Variants in NEURL4 observed in about 807,000 individuals in gnomAD.
The protein encoded by NEURL4 is neuralized E3 ubiquitin protein ligase 4.
Under a neutral mutation model 148.0 loss-of-function variants are expected in NEURL4, and 45 were observed. The observed-to-expected ratio is 0.30, with a 90% CI of 0.24 to 0.39. The LOEUF (loss-of-function observed/expected upper bound fraction) is 0.39, where lower values mean the gene tolerates loss of function less well. Ranked by LOEUF, NEURL4 falls within the 10% of genes least tolerant of loss-of-function variation. The pLI, the probability that NEURL4 is intolerant of heterozygous loss-of-function variation, is 1.00. For synonymous variants in NEURL4, 854 were observed against 869.0 expected (o/e 0.98, Z 0.30); for missense variants, 1,776 against 2,144.0 (o/e 0.83, Z 3.39).
Position 7,323,138 on chromosome 17 carries a change from G to T in NEURL4, c.2418-15C>A. 6.2e-7 allele frequency: 1 copy of T among 1,605,268 alleles called. No homozygotes were observed. The highest frequency in any genetic ancestry group is 8.5e-7 in the Non-Finnish European group (1 of 1,173,496). On this transcript the variant is annotated splice_polypyrimidine_tract_variant and intron_variant, in intron 14 of 28. Coordinates refer to ENST00000399464, the MANE Select transcript of NEURL4 (RefSeq NM_032442.3). ...TGGCTGTACCACTGGGGGGATGGCA[G>T]AAGGGGTGAGTCAGCCTGCCAACTT...
rs776579830 is a variant in NEURL4 at position 7,324,434 on chromosome 17, G to A, written c.1860C>T (p.Thr620=). 1 of 1,614,184 alleles carries A rather than the reference G, an allele frequency of 6.2e-7. No homozygotes were observed. The highest frequency in any genetic ancestry group is 8.5e-7 in the Non-Finnish European group (1 of 1,180,028). Residue 620 remains threonine (T), a synonymous_variant, in exon 10 of 29, where the codon ACC becomes ACT. Coordinates refer to ENST00000399464, the MANE Select transcript of NEURL4 (RefSeq NM_032442.3). This position sits in a 1 kb window ranked among gnomAD's most constrained non-coding sequence, Gnocchi z 5.9. ...TGNGVMHNGT[T]ILDEYGHNLD... is the part of the protein sequence containing the mutation. ...GATTGTGCCCGTATTCATCCAGGATGGTCGTCCCATTGTGCATCACCCCAT... is the reference window on the plus strand; with the variant it reads ...GATTGTGCCCGTATTCATCCAGGATAGTCGTCCCATTGTGCATCACCCCAT...
In NEURL4 at chr17:7,322,621, C is replaced by G; in HGVS notation, c.2725+114G>C. 1 of 1,374,820 alleles carries G rather than the reference C, an allele frequency of 7.3e-7. No individual in the cohort carries two copies. The highest frequency in any genetic ancestry group is 1.3e-5 in the South Asian group (1 of 78,224). The allele number at this position is 1,374,820 out of a possible 1,614,324, so 85.2% of individuals were successfully genotyped here. A position where few individuals can be genotyped will look rare whatever the true frequency, so the allele number is the denominator to read the frequency against. Reference sequence around the variant, plus strand: ...ACCGTGGGCTGTCCCTTCCCTGGAGCCGGCAGCTACCCCAGCCAACCGTCT... The same window carrying G: ...ACCGTGGGCTGTCCCTTCCCTGGAGGCGGCAGCTACCCCAGCCAACCGTCT... On this transcript the variant is annotated intron_variant, in intron 16 of 28. Coordinates refer to ENST00000399464, the MANE Select transcript of NEURL4 (RefSeq NM_032442.3). The surrounding 1 kb of genome is among the most constrained non-coding windows in gnomAD (Gnocchi z 5.5).
rs762882591 is a variant in NEURL4, at chr17:7,323,088, C to G, written c.2453G>C (p.Arg818Pro). 6.2e-7 allele frequency: 1 copy of G among 1,613,672 alleles called. No individual in the cohort carries two copies. Among genetic ancestry groups the G allele is most frequent in the Admixed American group, 1.7e-5 (1 of 60,008 alleles). ...TAIMQDGNTMRNNYGCDLDAL... is the reference protein window; with the variant it reads ...TAIMQDGNTMPNNYGCDLDAL... ...ATCCAGGTCACACCCATAATTGTTG[C>G]GCATCGTGTTACCGTCTTGCATGAT... Residue 818 changes from arginine (R) to proline (P), a missense_variant, in exon 15 of 29, where the codon CGC becomes CCC. By Grantham distance (103) the Arg-to-Pro change is moderately radical. Coordinates refer to ENST00000399464, the MANE Select transcript of NEURL4 (RefSeq NM_032442.3).
chr17:7,316,515 C>T (rs999870340), intron 28 of NEURL4, among the ~76,000 whole-genome samples, 188 bp from the exon 29 acceptor site: 1 of 152,234 alleles, frequency 6.6e-6, no homozygotes, highest in Non-Finnish European at 1.5e-5. Context: ...CCTTCACTTC[C>T]TTCTTCAAGC....
At position 7,318,368 on chromosome 17, in the gene NEURL4, AG is replaced by A. The variant is rs1291364200; in HGVS notation, c.3865-13del. 6.2e-7 allele frequency: 1 copy of A among 1,613,752 alleles called. No homozygotes were observed. Among genetic ancestry groups the A allele is most frequent in the South Asian group, 1.1e-5 (1 of 91,074 alleles). The stretch of plus-strand genomic sequence containing the variant: ...TTCACGATTGTCACCTGCAGGGGAG[AG>A]GGTAGTCAGACAGAGCTTGGTCAGA... On this transcript the variant is annotated splice_polypyrimidine_tract_variant and intron_variant, in intron 23 of 28. Coordinates refer to ENST00000399464, the MANE Select transcript of NEURL4 (RefSeq NM_032442.3). This position sits in a 1 kb window ranked among gnomAD's most constrained non-coding sequence, Gnocchi z 4.3.
chr17:7,315,849 A>G lies in NEURL4; in HGVS notation c.*274T>C, dbSNP rs2072934364. The G allele has an allele frequency of 9.1e-6, 5 of 549,532 alleles. No homozygotes were observed. Among genetic ancestry groups the G allele is most frequent in the Non-Finnish European group, 1.6e-5 (5 of 310,526 alleles). 34.0% of individuals were successfully genotyped at this position (549,532 alleles called of 1,614,324 possible). On this transcript the variant is annotated 3_prime_UTR_variant, in exon 29 of 29. Coordinates refer to ENST00000399464, the MANE Select transcript of NEURL4 (RefSeq NM_032442.3). ...GATGTGGGGTAGGGGAGTAAAAGGG[A>G]GTCATGTTCCCCAAATCAGTGCATG...
chr17:7,323,824 T>C lies in NEURL4; in HGVS notation c.2251A>G (p.Ile751Val). The C allele has an allele frequency of 1.2e-6, 2 of 1,614,112 alleles. No individual in the cohort carries two copies. The highest frequency in any genetic ancestry group is 1.7e-6 in the Non-Finnish European group (2 of 1,180,034). Residue 751 changes from isoleucine (I) to valine (V), a missense_variant, in exon 12 of 29, where the codon ATC (isoleucine) becomes GTC (valine). By Grantham distance (29) the Ile-to-Val change is conservative. Transcript: ENST00000399464. ...AGTTGAGAGACTGACCGGTTGGAGATGACGATGGCGTCATTAAACTCGCTG... is the reference window on the plus strand; with the variant it reads ...AGTTGAGAGACTGACCGGTTGGAGACGACGATGGCGTCATTAAACTCGCTG... ...CRSEFNDAIV[I>V]SNRALRDGEL...
rs771002223 is a variant in NEURL4, at chr17:7,321,136, G to T, written c.3336C>A (p.Asp1112Glu). Residue 1112 changes from aspartate to glutamate, a missense_variant, in exon 20 of 29, where the codon GAC (aspartate) becomes GAA (glutamate). Asp to Glu is a conservative substitution (Grantham distance 45, BLOSUM62 2). Transcript: ENST00000399464. The surrounding 1 kb of genome is among the most constrained non-coding windows in gnomAD (Gnocchi z 6.3). Reference protein sequence around the residue: ...SDTGSEGEEDDEGEEHGLGGQ... With the variant: ...SDTGSEGEEDEEGEEHGLGGQ... ...CTCCCAGGCCATGCTCCTCGCCCTC[G>T]TCATCCTCCTCGCCCTCACTGCCGG... The T allele has an allele frequency of 6.2e-7, 1 of 1,613,576 alleles. No individual in the cohort carries two copies. Among genetic ancestry groups the T allele is most frequent in the African/African-American group, 1.3e-5 (1 of 74,856 alleles).
rs2073025459 is a variant in NEURL4, at chr17:7,321,036, C to T, written c.3360+76G>A. On this transcript the variant is annotated intron_variant, in intron 20 of 28. Coordinates refer to ENST00000399464, the MANE Select transcript of NEURL4 (RefSeq NM_032442.3). The surrounding 1 kb of genome is among the most constrained non-coding windows in gnomAD (Gnocchi z 6.3). Reference sequence around the variant, plus strand: ...AGCCTCCACCCAACGATCAGAGAACCCAGAAAAGGCCTGGCATCCAACGGC... The same window carrying T: ...AGCCTCCACCCAACGATCAGAGAACTCAGAAAAGGCCTGGCATCCAACGGC... 1 of 1,592,904 alleles carries T rather than the reference C, an allele frequency of 6.3e-7. No individual in the cohort carries two copies. The highest frequency in any genetic ancestry group is 2.2e-5 in the East Asian group (1 of 44,594).
chr17:7,315,943 G>A lies in NEURL4; in HGVS notation c.*180C>T. 1.7e-6 allele frequency: 1 copy of A among 603,192 alleles called. No individual in the cohort carries two copies. Among genetic ancestry groups the A allele is most frequent in the South Asian group, 2.0e-5 (1 of 51,262 alleles). 37.4% of individuals were successfully genotyped at this position (603,192 alleles called of 1,614,324 possible). A position where few individuals can be genotyped will look rare whatever the true frequency, so the allele number is the denominator to read the frequency against. On this transcript the variant is annotated 3_prime_UTR_variant, in exon 29 of 29. Transcript: ENST00000399464. Reference sequence around the variant, plus strand: ...CCATCAGACGGAGTGCTGGGCCTCCGGACATGGAGCTGTGCCACTTGCCAC... The same window carrying A: ...CCATCAGACGGAGTGCTGGGCCTCCAGACATGGAGCTGTGCCACTTGCCAC...
At position 7,317,297 on chromosome 17, in the gene NEURL4, G is replaced by A. The variant is rs1219916721; in HGVS notation, c.4392C>T (p.Asn1464=). The A allele has an allele frequency of 3.1e-5, 48 of 1,533,788 alleles. No individual in the cohort carries two copies. Among genetic ancestry groups the A allele is most frequent in the Non-Finnish European group, 4.2e-5 (48 of 1,140,398 alleles). The part of the protein sequence containing the change: ...PGVGFEEPGE[N]CAPPREEQPP... ...GCTGCTCCTCCCGAGGAGGTGCACAGTTCTCGCCAGGCTCCTCGAACCCTA... is the reference window on the plus strand; with the variant it reads ...GCTGCTCCTCCCGAGGAGGTGCACAATTCTCGCCAGGCTCCTCGAACCCTA... Residue 1464 remains asparagine (N), a synonymous_variant, in exon 28 of 29, where the codon AAC becomes AAT. Coordinates refer to ENST00000399464, the MANE Select transcript of NEURL4 (RefSeq NM_032442.3).
At chr17:7,325,162 C>CCCCCCCAA in intron 8 of NEURL4, 47 bp downstream of exon 8, 1 of 748,832 alleles carries the variant, frequency 1.3e-6, no homozygotes. Context: ...CCCCCCCCCC[C>CCCCCCCAA]CATTAGAATC....
rs753737221 is a variant in NEURL4, at chr17:7,318,614, G to A, written c.3745C>T (p.Arg1249Trp). Residue 1249 changes from arginine (R) to tryptophan (W), a missense_variant, in exon 23 of 29, where the codon CGG (arginine) becomes TGG (tryptophan). Transcript: ENST00000399464. This position sits in a 1 kb window ranked among gnomAD's most constrained non-coding sequence, Gnocchi z 4.3. ...TGCAGCCCCCCAGAGCTGTCCAGCCGCAGTCCCAGGATGGTGCCTTCAGGG... is the reference window on the plus strand; with the variant it reads ...TGCAGCCCCCCAGAGCTGTCCAGCCACAGTCCCAGGATGGTGCCTTCAGGG... ...TCPEGTILGL[R>W]LDSSGGLHLH... 34 of 1,613,876 alleles carry A rather than the reference G, an allele frequency of 2.1e-5. No individual in the cohort carries two copies. Among genetic ancestry groups the A allele is most frequent in the South Asian group, 4.4e-5 (4 of 91,084 alleles).
chr17:7,325,895 G>A (rs1418133989), intron 6 of NEURL4, among the ~76,000 whole-genome samples, 182 bp from the exon 7 acceptor site: 1 of 152,136 alleles, frequency 6.6e-6, no homozygotes, highest in Admixed American at 6.5e-5. Flanking sequence ...CGTGAGTCAG[G>A]CACTGAGTTA....
chr17:7,321,562 C>G lies in NEURL4; in HGVS notation c.3097G>C (p.Gly1033Arg). The change falls in exon 18 of 29, where the codon GGG becomes CGG. Residue 1033 changes from glycine (G) to arginine (R), a missense_variant and splice_region_variant. Gly to Arg is a moderately radical substitution (Grantham distance 125). Transcript: ENST00000399464. This position sits in a 1 kb window ranked among gnomAD's most constrained non-coding sequence, Gnocchi z 6.3. ...MNYGRNLERL[G>R]VGSRVGVRRG... ...GTCCCTGGAGCCAGCCACTTCACCCCCAGCCTCTCTAGGTTCCGGCCATAG... is the reference window on the plus strand; with the variant it reads ...GTCCCTGGAGCCAGCCACTTCACCCGCAGCCTCTCTAGGTTCCGGCCATAG... The G allele has an allele frequency of 6.2e-7, 1 of 1,614,132 alleles. No individual in the cohort carries two copies. The highest frequency in any genetic ancestry group is 8.5e-7 in the Non-Finnish European group (1 of 1,180,014).
intron 21 of NEURL4, among the ~76,000 whole-genome samples, 166 bp from the exon 22 acceptor site, chr17:7,319,374 CTTTTTTTTTTTTTTTT>C (rs374281551): frequency 1.1e-4 from 12 of 113,882 alleles, no homozygotes; most frequent in African/African-American, 4.3e-4. Flanking sequence ...TTCTTTCCCT[CTTTTTTTTTTTTTTTT>C]TTTTTTTTTT....
In NEURL4 at chr17:7,316,315, G is replaced by C. The variant is rs754228666; in HGVS notation, c.4497C>G (p.Pro1499=). The C allele has an allele frequency of 1.9e-6, 3 of 1,612,258 alleles. No homozygotes were observed. The highest frequency in any genetic ancestry group is 2.2e-5 in the South Asian group (2 of 91,002). Residue 1499 remains proline, a synonymous_variant, in exon 29 of 29, where the codon CCC becomes CCG. Transcript: ENST00000399464. The stretch of plus-strand genomic sequence containing the variant: ...GAGCCTGGTGCGTCCGCTGGGATTT[G>C]GGGTCCCGGAATCTGTCAGACAAGA... The part of the protein sequence containing the change: ...TLASKVQFRD[P]KSQRTHQAQV...
chr17:7,329,243 C>G lies in NEURL4; in HGVS notation c.70G>C (p.Gly24Arg). The change falls in exon 1 of 29, where the codon GGC (glycine) becomes CGC (arginine). Residue 24 changes from glycine (G) to arginine (R), a missense_variant. Physicochemically the swap from Gly to Arg is moderately radical, Grantham distance 125. Coordinates refer to ENST00000399464, the MANE Select transcript of NEURL4 (RefSeq NM_032442.3). ...GPGPGPGGGGGPSGSGSGPGS... is the reference protein window; with the variant it reads ...GPGPGPGGGGRPSGSGSGPGS... ...GGTCCTGAGCCGCTCCCGCTGGGGCCCCCACCCCCGCCCGGCCCCGGTCCA... is the reference window on the plus strand; with the variant it reads ...GGTCCTGAGCCGCTCCCGCTGGGGCGCCCACCCCCGCCCGGCCCCGGTCCA... The G allele has an allele frequency of 1.3e-6, 2 of 1,498,744 alleles. No individual in the cohort carries two copies. The highest frequency in any genetic ancestry group is 1.8e-6 in the Non-Finnish European group (2 of 1,130,898). The allele number at this position is 1,498,744 out of a possible 1,614,324, so 92.8% of individuals were successfully genotyped here.
At position 7,325,317 on chromosome 17, in the gene NEURL4, C is replaced by T. The variant is rs775129447; in HGVS notation, c.1523G>A (p.Arg508His). Residue 508 changes from arginine to histidine, a missense_variant, in exon 8 of 29, where the codon CGC becomes CAC. Transcript: ENST00000399464. Reference protein sequence around the residue: ...LRALSPEGALRRAAPAAQAEP... With the variant: ...LRALSPEGALHRAAPAAQAEP... ...TGCCTGGGCGGCAGGGGCAGCACGG[C>T]GGAGAGCACCCTCGGGGGACAGCGC... is the stretch of plus-strand genomic sequence containing the variant. 9 of 1,612,778 alleles carry T rather than the reference C, an allele frequency of 5.6e-6. No homozygotes were observed. The highest frequency in any genetic ancestry group is 3.3e-4 in the Middle Eastern group (2 of 6,062).
Sources: allele counts gnomAD v4.1 joint callset (sites outside exome capture counted in the v4.1 genomes callset), GRCh38; gene constraint gnomAD v4.1.1; non-coding constraint Gnocchi (gnomAD v3.1); transcripts MANE v1.5; gene names NCBI Gene and HGNC (gene_info 2026-07-23, HGNC 2026-07-21).